PSPC1: variants seen among roughly 807,000 people sequenced by gnomAD.
The protein encoded by PSPC1 is paraspeckle protein 1.
In PSPC1, 14 loss-of-function variants were observed where a neutral mutation model predicts 51.6. That is an observed-to-expected ratio of 0.27 (90% CI 0.18 to 0.42). The LOEUF (loss-of-function observed/expected upper bound fraction) is 0.42, where lower values mean the gene tolerates loss of function less well. Among genes scored for constraint, PSPC1 ranks in the 10% least tolerant of loss-of-function variants. The pLI is 1.00. For missense variants in PSPC1, 406 were observed against 701.1 expected, an observed-to-expected ratio of 0.58 and a Z score of 4.75; for synonymous variants, 193 against 231.9, an observed-to-expected ratio of 0.83 and a Z score of 1.53.
At chr13:19,738,778 G>A (rs1327121300) in intron 5 of PSPC1, among the ~76,000 whole-genome samples, 3 of 151,906 alleles carry the variant, frequency 2.0e-5, no homozygotes, top group Admixed American at 6.6e-5. Context: ...ATGGTGGCAC[G>A]CGTCTATAGT....
intron 6 of PSPC1, among the ~76,000 whole-genome samples, chr13:19,722,255 G>T (rs2137861847): frequency 6.6e-6 from 1 of 152,136 alleles, no homozygotes; most frequent in East Asian, 1.9e-4. Context: ...CCAGCACTTT[G>T]GGAGGCAGAG....
chr13:19,752,832 C>G (rs1886699751), intron 3 of PSPC1, among the ~76,000 whole-genome samples: 1 of 151,954 alleles, frequency 6.6e-6, no homozygotes, highest in Non-Finnish European at 1.5e-5. Context: ...GTGATCCACC[C>G]ATCTCGGTCT....
chr13:19,674,311 A>C (rs1045813456), downstream of PSPC1, among the ~76,000 whole-genome samples: 5 of 152,208 alleles, frequency 3.3e-5, no homozygotes, highest in Admixed American at 2.6e-4. Context: ...AGATATGAGG[A>C]GTTTGGTTTC....
At chr13:19,743,715 GA>G (rs1212710793) in intron 4 of PSPC1, among the ~76,000 whole-genome samples, 4 of 152,140 alleles carry the variant, frequency 2.6e-5, no homozygotes, top group African/African-American at 9.7e-5. Flanking sequence ...GGCCCATAGA[GA>G]AAACACTTGA....
chr13:19,751,370 G>A lies in PSPC1; in HGVS notation c.868C>T (p.Arg290Cys), dbSNP rs867658733. 2.5e-6 allele frequency: 4 copies of A among 1,589,122 alleles called. No individual in the cohort carries two copies. The highest frequency in any genetic ancestry group is 1.8e-5 in the Admixed American group (1 of 54,454). ...CTGATGTTTCTATCAACCTGCTCAC[G>A]CTGCTGCTTTTCCATTTCATCAAGA... is the stretch of plus-strand genomic sequence containing the variant. ...KALDEMEKQQ[R>C]EQVDRNIREA... The change falls in exon 4 of 9, where the codon CGT (arginine) becomes TGT (cysteine). Residue 290 changes from arginine to cysteine, a missense_variant. By Grantham distance (180) the Arg-to-Cys change is radical. Transcript: ENST00000338910.
chr13:19,736,367 TA>T (rs200121039), intron 5 of PSPC1, among the ~76,000 whole-genome samples: 22 of 151,690 alleles, frequency 1.5e-4, no homozygotes, highest in South Asian at 6.2e-4. Context: ...GATTACATAA[TA>T]AAAAAAATCA....
rs1317810019 is a variant in PSPC1 at position 19,772,447 on chromosome 13, C to A, written c.469G>T (p.Ala157Ser). The A allele has an allele frequency of 1.2e-6, 2 of 1,614,230 alleles. No homozygotes were observed. Among genetic ancestry groups the A allele is most frequent in the Non-Finnish European group, 1.7e-6 (2 of 1,180,048 alleles). Residue 157 changes from alanine (A) to serine (S), a missense_variant, in exon 2 of 9, where the codon GCC (alanine) becomes TCC (serine). Ala to Ser is a moderately conservative substitution (Grantham distance 99). Transcript: ENST00000338910. Reference protein sequence around the residue: ...LRIRFATHGAALTVKNLSPVV... With the variant: ...LRIRFATHGASLTVKNLSPVV... ...GGAGAAAGGTTCTTGACAGTCAAGG[C>A]TGCTCCATGTGTAGCGAAGCGAATC... is the stretch of plus-strand genomic sequence containing the variant.
intron 6 of PSPC1, chr13:19,678,456 C>A (rs1281841114): frequency 6.6e-6 from 1 of 152,158 alleles, no homozygotes; most frequent in African/African-American, 2.4e-5. Context: ...TACAGTCATA[C>A]ACAATTGCAT....
Position 19,680,610 on chromosome 13 carries a change from GA to G in PSPC1, c.1159-2788del, listed in dbSNP as rs917731206. 6.7e-5 allele frequency among the ~76,000 whole-genome samples: 10 copies of G among 150,082 alleles called. No homozygotes were observed. The East Asian group carries it at 1.2e-3, about 18-fold the overall frequency. ...CCATCAAAGTGATACTGCCTAATAT[GA>G]AAAAAAAACCAATAATCAAATTAAA... On this transcript the variant is annotated intron_variant and NMD_transcript_variant, in intron 6 of 7. Transcript: ENST00000471658.
intron 5 of PSPC1, among the ~76,000 whole-genome samples, chr13:19,730,967 A>AAAAAAAAAAAAAAAAAAAAAAAAAAC (rs1566002419): frequency 7.1e-6 from 1 of 140,454 alleles, no homozygotes; most frequent in Non-Finnish European, 1.6e-5. Context: ...CAAAAAAACA[A>AAAAAAAAAAAAAAAAAAAAAAAAAAC]AAAAAAAAAA....
chr13:19,690,852 C>A (rs1878458506), intron 6 of PSPC1, among the ~76,000 whole-genome samples: 1 of 152,178 alleles, frequency 6.6e-6, no homozygotes, highest in Non-Finnish European at 1.5e-5. Context: ...CTATTAAGAG[C>A]TGGACTATTT....
intron 6 of PSPC1, among the ~76,000 whole-genome samples, chr13:19,685,338 A>G (rs530255103): frequency 6.6e-6 from 1 of 152,212 alleles, no homozygotes; most frequent in Non-Finnish European, 1.5e-5. Flanking sequence ...AGTCATAATC[A>G]GGGCTCATTA....
intron 6 of PSPC1, among the ~76,000 whole-genome samples, chr13:19,716,927 C>G (rs1177478534): frequency 6.6e-6 from 1 of 152,122 alleles, no homozygotes; most frequent in Non-Finnish European, 1.5e-5. Context: ...CGGTGGCTCA[C>G]TCCTGTAACC....
intron 6 of PSPC1, among the ~76,000 whole-genome samples, chr13:19,718,749 G>C (rs557850921): frequency 6.6e-6 from 1 of 152,144 alleles, no homozygotes; most frequent in African/African-American, 2.4e-5. Context: ...TTTAGTATAT[G>C]AATGGGTGAA....
chr13:19,738,737 C>G (rs1045233070), intron 5 of PSPC1, among the ~76,000 whole-genome samples: 1 of 151,930 alleles, frequency 6.6e-6, no homozygotes, highest in Non-Finnish European at 1.5e-5. Flanking sequence ...GAAACCCCGT[C>G]TCTACTAAAA....
At chr13:19,674,467 C>T (rs753908735), downstream of PSPC1, among the ~76,000 whole-genome samples, 11 of 152,146 alleles carry the variant, frequency 7.2e-5, no homozygotes, top group East Asian at 3.9e-4. Context: ...GAGTGAGTTC[C>T]GCTTGTACTG....
intron 2 of PSPC1, among the ~76,000 whole-genome samples, chr13:19,760,675 G>A (rs530675889): frequency 4.0e-5 from 6 of 151,846 alleles, no homozygotes; most frequent in African/African-American, 1.2e-4. Context: ...GAAAGATGAC[G>A]AGATCCTGTC....
downstream of PSPC1, chr13:19,671,425 T>TA (rs1305700352): frequency 2.6e-5 from 18 of 695,624 alleles, no homozygotes; most frequent in Non-Finnish European, 4.4e-5. Flanking sequence ...GTAGTGATGC[T>TA]AGGTGCACCC....
chr13:19,717,230 A>G (rs1782718791), intron 6 of PSPC1, among the ~76,000 whole-genome samples: 1 of 152,112 alleles, frequency 6.6e-6, no homozygotes, highest in Admixed American at 6.6e-5. Context: ...AAAAGTATTA[A>G]GATACTGAAC....
Sources: allele counts gnomAD v4.1 joint callset (sites outside exome capture counted in the v4.1 genomes callset), GRCh38; gene constraint gnomAD v4.1.1; transcripts MANE v1.5; gene names NCBI Gene and HGNC (gene_info 2026-07-23, HGNC 2026-07-21).